Variants in S100A7 observed in about 807,000 individuals in gnomAD.
S100A7 encodes the protein protein S100-A7.
A neutral mutation model predicts 3.8 loss-of-function variants in S100A7; 2 were observed. The ratio of observed to expected loss-of-function variants is 0.53; its 90% CI spans 0.22 to 1.67. S100A7 has a LOEUF of 1.67. Among genes scored for constraint, S100A7 ranks in the 40% most tolerant of loss-of-function variants. The probability of loss-of-function intolerance (pLI) is 0.20; values close to 1 mark genes in which losing one functional copy is unlikely to be tolerated. For missense variants in S100A7, 130 were observed against 126.3 expected (o/e 1.03, Z -0.14); for synonymous variants, 55 against 45.9 (o/e 1.20, Z -0.80).
In S100A7 at chr1:153,457,782, T is replaced by C. The variant is rs765469284; in HGVS notation, c.*24A>G. 1.9e-6 allele frequency: 3 copies of C among 1,612,450 alleles called. No homozygotes were observed. Among genetic ancestry groups the C allele is most frequent in the Non-Finnish European group, 2.5e-6 (3 of 1,178,972 alleles). Reference sequence around the variant, plus strand: ...GACATTTTATTGTTCCTGGGGTCTCTGGAGGCCCATTGGTGGGGCTGGGTC... The same window carrying C: ...GACATTTTATTGTTCCTGGGGTCTCCGGAGGCCCATTGGTGGGGCTGGGTC... On this transcript the variant is annotated 3_prime_UTR_variant, in exon 3 of 3. Coordinates refer to ENST00000368723, the MANE Select transcript of S100A7 (RefSeq NM_002963.4).
chr1:153,458,092 G>A (rs371383769), intron 2 of S100A7, 122 bp from the exon 3 acceptor site: 279 of 1,128,022 alleles, frequency 2.5e-4, no homozygotes, highest in Non-Finnish European at 3.4e-4. Flanking sequence ...TGGTGGCGGG[G>A]CTGAGAGCAC....
At position 153,457,835 on chromosome 1, in the gene S100A7, C is replaced by T. The variant is rs750589821; in HGVS notation, c.277G>A (p.Ala93Thr). 8.7e-6 allele frequency: 14 copies of T among 1,614,068 alleles called. No individual in the cohort carries two copies. Among genetic ancestry groups the T allele is most frequent in the African/African-American group, 1.3e-5 (1 of 74,906 alleles). Reference sequence around the variant, plus strand: ...TGGCTGCCCCCGGAACAGGGCGCTGCTCCATGGCTCTGCTTGTGGTAGTCT... The same window carrying T: ...TGGCTGCCCCCGGAACAGGGCGCTGTTCCATGGCTCTGCTTGTGGTAGTCT... The part of the protein sequence containing the change: ...ATDYHKQSHG[A>T]APCSGGSQ The change falls in exon 3 of 3, where the codon GCA becomes ACA. Residue 93 changes from alanine (A) to threonine (T), a missense_variant. Transcript: ENST00000368723.
chr1:153,460,506 G>A lies in S100A7; in HGVS notation c.-18+102C>T. On this transcript the variant is annotated intron_variant, in intron 1 of 2. Coordinates refer to ENST00000368723, the MANE Select transcript of S100A7 (RefSeq NM_002963.4). ...AATGGCAGAGCTGGCCTAGACCCAG[G>A]CTTCTGAGTCTTTGTCCACAGCCCT... The A allele has an allele frequency of 7.6e-6, 5 of 658,458 alleles. No homozygotes were observed. The South Asian group carries it at 7.9e-5, about 10-fold the overall frequency. The allele number at this position is 658,458 out of a possible 1,614,324, so 40.8% of individuals were successfully genotyped here.
Position 153,457,816 on chromosome 1 carries a change from C to T in S100A7, c.296G>A (p.Gly99Asp), listed in dbSNP as rs771457584. The change falls in exon 3 of 3, where the codon GGC becomes GAC. Residue 99 changes from glycine (G) to aspartate (D), a missense_variant. Coordinates refer to ENST00000368723, the MANE Select transcript of S100A7 (RefSeq NM_002963.4). Reference protein sequence around the residue: ...QSHGAAPCSGGSQ With the variant: ...QSHGAAPCSGDSQ ...ATTGGTGGGGCTGGGTCACTGGCTGCCCCCGGAACAGGGCGCTGCTCCATG... is the reference window on the plus strand; with the variant it reads ...ATTGGTGGGGCTGGGTCACTGGCTGTCCCCGGAACAGGGCGCTGCTCCATG... 6.2e-7 allele frequency: 1 copy of T among 1,613,554 alleles called. No homozygotes were observed. The highest frequency in any genetic ancestry group is 1.7e-5 in the Admixed American group (1 of 59,994).
intron 1 of S100A7, among the ~76,000 whole-genome samples, 162 bp from the exon 2 acceptor site, chr1:153,459,192 G>T (rs1055203331): frequency 6.6e-6 from 1 of 152,172 alleles, no homozygotes; most frequent in Admixed American, 6.5e-5. Context: ...GCTCAAAAAT[G>T]AGAGGGTAGG....
chr1:153,459,175 A>G, intron 1 of S100A7, 145 bp from the exon 2 acceptor site: 1 of 988,314 alleles, frequency 1.0e-6, no homozygotes, highest in Non-Finnish European at 1.5e-6. Flanking sequence ...ATGTGATGGG[A>G]TAAGTTGCTC....
chr1:153,460,504 A>C (rs953416397), intron 1 of S100A7, 104 bp downstream of exon 1: 2 of 655,690 alleles, frequency 3.1e-6, no homozygotes, highest in African/African-American at 1.8e-5. Flanking sequence ...GCCTAGACCC[A>C]GGCTTCTGAG....
chr1:153,458,941 C>T lies in S100A7; in HGVS notation c.73G>A (p.Asp25Asn). 6.2e-6 allele frequency: 10 copies of T among 1,614,064 alleles called. No individual in the cohort carries two copies. Among genetic ancestry groups the T allele is most frequent in the Non-Finnish European group, 7.6e-6 (9 of 1,179,946 alleles). Residue 25 changes from aspartate to asparagine, a missense_variant, in exon 2 of 3, where the codon GAC (aspartate) becomes AAC (asparagine). By Grantham distance (23) the Asp-to-Asn change is conservative. Transcript: ENST00000368723. ...DMFHKYTRRD[D>N]KIEKPSLLTM... Reference sequence around the variant, plus strand: ...AGCAGGCTTGGCTTCTCAATCTTGTCATCACGTCTGGTGTATTTGTGAAAC... The same window carrying T: ...AGCAGGCTTGGCTTCTCAATCTTGTTATCACGTCTGGTGTATTTGTGAAAC...
chr1:153,460,500 A>T (rs1027579531), intron 1 of S100A7, 108 bp downstream of exon 1: 8 of 650,940 alleles, frequency 1.2e-5, no homozygotes, highest in Admixed American at 2.1e-5. Flanking sequence ...GCTGGCCTAG[A>T]CCCAGGCTTC....
chr1:153,460,423 C>G (rs1351880353), intron 1 of S100A7, among the ~76,000 whole-genome samples, 185 bp downstream of exon 1: 1 of 152,208 alleles, frequency 6.6e-6, no homozygotes, highest in Admixed American at 6.5e-5. Flanking sequence ...TCTGGTTCAG[C>G]CACCTGGTTA....
Position 153,457,761 on chromosome 1 carries a change from T to C in S100A7, c.*45A>G. 6.3e-7 allele frequency: 1 copy of C among 1,579,066 alleles called. No individual in the cohort carries two copies. The highest frequency in any genetic ancestry group is 1.9e-5 in the Admixed American group (1 of 53,802). On this transcript the variant is annotated 3_prime_UTR_variant, in exon 3 of 3. Transcript: ENST00000368723. ...GGCAAGTGTCTGGTGGGAGAAGACA[T>C]TTTATTGTTCCTGGGGTCTCTGGAG... is the stretch of plus-strand genomic sequence containing the variant.
chr1:153,460,034 C>CA (rs1294998213), intron 1 of S100A7, among the ~76,000 whole-genome samples: 5 of 152,234 alleles, frequency 3.3e-5, no homozygotes, highest in Non-Finnish European at 2.9e-5. Context: ...CCACCCAGAG[C>CA]TTTTTTGAAT....
rs752891410 is a variant in S100A7 at position 153,458,850 on chromosome 1, T to C, written c.141+23A>G. 1.9e-6 allele frequency: 3 copies of C among 1,612,616 alleles called. No individual in the cohort carries two copies. In the East Asian group the frequency reaches 6.7e-5, roughly 36 times the overall value. On this transcript the variant is annotated intron_variant, in intron 2 of 2. Coordinates refer to ENST00000368723, the MANE Select transcript of S100A7 (RefSeq NM_002963.4). ...CATAGCAAAATGTATCCTCCAACATTGAGAAGCTAGACACCGACTCACACA... is the reference window on the plus strand; with the variant it reads ...CATAGCAAAATGTATCCTCCAACATCGAGAAGCTAGACACCGACTCACACA...
intron 1 of S100A7, 143 bp from the exon 2 acceptor site, chr1:153,459,173 G>T: frequency 9.9e-7 from 1 of 1,006,256 alleles, no homozygotes; most frequent in Non-Finnish European, 1.4e-6. Context: ...TAATGTGATG[G>T]GATAAGTTGC....
chr1:153,459,475 C>T (rs1248082219), intron 1 of S100A7, among the ~76,000 whole-genome samples: 1 of 152,308 alleles, frequency 6.6e-6, no homozygotes, highest in South Asian at 2.1e-4. Context: ...TGGTGTCTGA[C>T]CCTCCTCGGC....
At chr1:153,459,938 G>C (rs2101647124) in intron 1 of S100A7, 1 of 152,468 alleles carries the variant, frequency 6.6e-6, no homozygotes, top group African/African-American at 2.4e-5. Flanking sequence ...AAGGACCTTG[G>C]CTAATGCATA....
At chr1:153,458,743 C>T (rs185500828) in intron 2 of S100A7, 130 bp downstream of exon 2, 4 of 1,097,116 alleles carry the variant, frequency 3.6e-6, no homozygotes, top group Admixed American at 2.4e-5. Context: ...TCCTTAGATT[C>T]ACATATGATC....
Position 153,457,748 on chromosome 1 carries a change from G to A in S100A7, c.*58C>T. On this transcript the variant is annotated 3_prime_UTR_variant, in exon 3 of 3. Coordinates refer to ENST00000368723, the MANE Select transcript of S100A7 (RefSeq NM_002963.4). ...AAGAAGAAAATAAGGCAAGTGTCTG[G>A]TGGGAGAAGACATTTTATTGTTCCT... 6.4e-7 allele frequency: 1 copy of A among 1,571,006 alleles called. No individual in the cohort carries two copies. The highest frequency in any genetic ancestry group is 8.7e-7 in the Non-Finnish European group (1 of 1,154,860).
At position 153,457,833 on chromosome 1, in the gene S100A7, T is replaced by C. The variant is rs762199655; in HGVS notation, c.279A>G (p.Ala93=). The C allele has an allele frequency of 5.4e-5, 87 of 1,613,942 alleles. No individual in the cohort carries two copies. The highest frequency in any genetic ancestry group is 4.0e-4 in the East Asian group (18 of 44,890). The change falls in exon 3 of 3, where the codon GCA becomes GCG. Residue 93 remains alanine, a synonymous_variant. Transcript: ENST00000368723. ...ACTGGCTGCCCCCGGAACAGGGCGC[T>C]GCTCCATGGCTCTGCTTGTGGTAGT... ...ATDYHKQSHG[A]APCSGGSQ is the part of the protein sequence containing the mutation.
Sources: allele counts gnomAD v4.1 joint callset (sites outside exome capture counted in the v4.1 genomes callset), GRCh38; gene constraint gnomAD v4.1.1; transcripts MANE v1.5; gene names NCBI Gene and HGNC (gene_info 2026-07-23, HGNC 2026-07-21).